NBEAL1: variants seen among roughly 807,000 people sequenced by gnomAD.
NBEAL1 encodes neurobeachin like 1.
Under a neutral mutation model 351.3 loss-of-function variants are expected in NBEAL1, and 273 were observed. That is an observed-to-expected ratio of 0.78 (90% confidence interval 0.70 to 0.86). The LOEUF (loss-of-function observed/expected upper bound fraction) is 0.86. NBEAL1 is among the 40% of genes least tolerant of loss of function. The pLI, the probability that NBEAL1 is intolerant of heterozygous loss-of-function variation, is 0.00. For missense variants in NBEAL1, 2,961 were observed against 3,201.3 expected (o/e 0.92, Z 1.81); for synonymous variants, 1,050 against 1,086.4 (o/e 0.97, Z 0.66).
rs951696785 is a variant in NBEAL1 at position 203,126,670 on chromosome 2, C to G, written c.3099C>G (p.Leu1033=). The change falls in exon 22 of 56, where the codon CTC becomes CTG. Residue 1033 remains leucine (L), a synonymous_variant. Transcript: ENST00000683969. ...QLLQQMYQYL[L]FDFRIWNRGD... is the part of the protein sequence containing the mutation. ...TGCAACAAATGTATCAATATTTACT[C>G]TTTGACTTTCGTATTTGGAACCGTG... is the stretch of plus-strand genomic sequence containing the variant. 6.6e-6 allele frequency: 10 copies of G among 1,525,110 alleles called. No homozygotes were observed. The highest frequency in any genetic ancestry group is 8.8e-6 in the Non-Finnish European group (10 of 1,136,758). The allele number at this position is 1,525,110 out of a possible 1,614,324, so 94.5% of individuals were successfully genotyped here. A position where few individuals can be genotyped will look rare whatever the true frequency, so the allele number is the denominator to read the frequency against.
chr2:203,026,306 T>C (rs1355714094), intron 2 of NBEAL1, among the ~76,000 whole-genome samples: 1 of 152,204 alleles, frequency 6.6e-6, no homozygotes, highest in African/African-American at 2.4e-5. Context: ...GGTCTGCTGA[T>C]ATTTCTCATA....
intron 34 of NBEAL1, among the ~76,000 whole-genome samples, chr2:203,150,203 C>T (rs747386561): frequency 3.9e-5 from 6 of 152,106 alleles, no homozygotes; most frequent in Non-Finnish European, 7.4e-5. Flanking sequence ...CCAATTTCTC[C>T]GCATTCTTAC....
In NBEAL1 at chr2:203,063,013, T is replaced by C. The variant is rs73056748; in HGVS notation, c.516-5380T>C. ...CAGGTTAGAATAGATTTAATTAAAA[T>C]TAACATAATTCCAAATACAGAGCCA... On this transcript the variant is annotated intron_variant, in intron 6 of 55. Transcript: ENST00000683969. 1.8e-3 allele frequency among the ~76,000 whole-genome samples: 279 copies of C among 152,362 alleles called. 3 individuals carry two copies. Among genetic ancestry groups the C allele is most frequent in the African/African-American group, 6.5e-3 (269 of 41,588 alleles).
At chr2:203,119,380 A>G (rs558817166) in intron 18 of NBEAL1, among the ~76,000 whole-genome samples, 4 of 147,394 alleles carry the variant, frequency 2.7e-5, no homozygotes, top group Admixed American at 6.9e-5. Context: ...AGGCCTTGCA[A>G]AGTGCTAAGA....
intron 3 of NBEAL1, among the ~76,000 whole-genome samples, chr2:203,045,944 A>T (rs1011002295): frequency 6.6e-6 from 1 of 152,194 alleles, no homozygotes; most frequent in African/African-American, 2.4e-5. Flanking sequence ...ATTTTTATAG[A>T]TCTTTCTATA....
At position 203,110,972 on chromosome 2, in the gene NBEAL1, G is replaced by A. The variant is rs575338220; in HGVS notation, c.2082+690G>A. Among the ~76,000 whole-genome samples, 4 of 151,920 alleles carry A rather than the reference G, an allele frequency of 2.6e-5. No individual in the cohort carries two copies. In the South Asian group the frequency reaches 8.3e-4, roughly 32 times the overall value. ...GTAGAGACAGGATTTCACCATGTTG[G>A]CCAGGATGGTCTTGATCTCTTGACC... On this transcript the variant is annotated intron_variant, in intron 15 of 55. Transcript: ENST00000683969.
chr2:203,191,277 A>G, intron 46 of NBEAL1: 2 of 1,193,058 alleles, frequency 1.7e-6, no homozygotes, highest in Non-Finnish European at 2.5e-6. Flanking sequence ...CAGCCAGTTA[A>G]GCACAAAGGA....
At chr2:203,108,482 T>C (rs2062489214) in intron 14 of NBEAL1, among the ~76,000 whole-genome samples, 1 of 151,916 alleles carries the variant, frequency 6.6e-6, no homozygotes, top group East Asian at 1.9e-4. Flanking sequence ...CACTGCAAGC[T>C]CCACCTCCTG....
chr2:203,125,551 A>G (rs2062918773), intron 20 of NBEAL1, 31 bp downstream of exon 20: 1 of 1,355,844 alleles, frequency 7.4e-7, no homozygotes, highest in Non-Finnish European at 9.5e-7. Context: ...CAAAATAGTC[A>G]TTGAGAAATT....
chr2:203,040,409 T>C (rs1321694494), intron 2 of NBEAL1: 6 of 716,078 alleles, frequency 8.4e-6, no homozygotes, highest in East Asian at 5.0e-5. Context: ...GGCATGAGTT[T>C]ACCGGTGGAG....
intron 36 of NBEAL1, 113 bp downstream of exon 36, chr2:203,157,938 C>A: frequency 1.3e-6 from 1 of 755,256 alleles, no homozygotes; most frequent in Non-Finnish European, 1.9e-6. Context: ...ACAGTTAATG[C>A]TGTATCAGCT....
In NBEAL1 at chr2:203,127,854, A is replaced by G; in HGVS notation, c.3322A>G (p.Lys1108Glu). The G allele has an allele frequency of 6.5e-7, 1 of 1,546,868 alleles. No individual in the cohort carries two copies. The highest frequency in any genetic ancestry group is 1.4e-5 in the African/African-American group (1 of 73,510). The change falls in exon 24 of 56, where the codon AAA becomes GAA. Residue 1108 changes from lysine to glutamate, a missense_variant. Coordinates refer to ENST00000683969, the MANE Select transcript of NBEAL1 (RefSeq NM_001378026.1). Reference protein sequence around the residue: ...TIRTSLYGLIKYFLCKGGSHE... With the variant: ...TIRTSLYGLIEYFLCKGGSHE... ...AAGGACTTCTTTGTATGGACTAATTAAATATTTTCTGTGCAAAGGTGGATC... is the reference window on the plus strand; with the variant it reads ...AAGGACTTCTTTGTATGGACTAATTGAATATTTTCTGTGCAAAGGTGGATC...
intron 24 of NBEAL1, among the ~76,000 whole-genome samples, chr2:203,129,211 A>G (rs140535511): frequency 3.9e-5 from 6 of 152,304 alleles, no homozygotes; most frequent in African/African-American, 1.4e-4. Context: ...TTATATTCAG[A>G]GAGATTATGT....
At chr2:203,070,283 ACAT>A (rs918562378) in intron 7 of NBEAL1, among the ~76,000 whole-genome samples, 10 of 151,844 alleles carry the variant, frequency 6.6e-5, no homozygotes, top group African/African-American at 2.4e-4. Context: ...TATTAAACTA[ACAT>A]CATATTTCTG....
At position 203,111,981 on chromosome 2, in the gene NBEAL1, C is replaced by T. The variant is rs1228742279; in HGVS notation, c.2085C>T (p.His695=). Residue 695 remains histidine (H), a splice_region_variant and synonymous_variant, in exon 16 of 56, where the codon CAC becomes CAT. Transcript: ENST00000683969. ...AAATGTGTGTTTCACTTTACCAGCA[C>T]AACATAACTGTTGTCCACATGCCTG... ...PDHSFCDSLW[H]NITVVHMPGK... 1 of 1,548,916 alleles carries T rather than the reference C, an allele frequency of 6.5e-7. No homozygotes were observed. Among genetic ancestry groups the T allele is most frequent in the Admixed American group, 2.0e-5 (1 of 50,044 alleles).
intron 46 of NBEAL1, among the ~76,000 whole-genome samples, chr2:203,192,308 A>G (rs1262087372): frequency 2.0e-5 from 3 of 152,088 alleles, no homozygotes; most frequent in Non-Finnish European, 4.4e-5. Context: ...GGTGCTAATT[A>G]GTTTTTATTG....
intron 23 of NBEAL1, among the ~76,000 whole-genome samples, chr2:203,127,494 T>C (rs956606121): frequency 3.3e-5 from 5 of 152,036 alleles, no homozygotes; most frequent in African/African-American, 1.2e-4. Context: ...GAGGCTGAGG[T>C]GGGCAGATCG....
At chr2:203,210,489 G>A (rs752788801) in intron 53 of NBEAL1, among the ~76,000 whole-genome samples, 8 of 151,530 alleles carry the variant, frequency 5.3e-5, no homozygotes, top group Middle Eastern at 3.2e-3. Flanking sequence ...GTGAAACCCC[G>A]TCTCTACTAA....
rs2062688831 is a variant in NBEAL1, at chr2:203,116,034, C to A, written c.2556C>A (p.Asp852Glu). 1 of 1,553,676 alleles carries A rather than the reference C, an allele frequency of 6.4e-7. No homozygotes were observed. Among genetic ancestry groups the A allele is most frequent in the Non-Finnish European group, 8.7e-7 (1 of 1,147,422 alleles). The change falls in exon 18 of 56, where the codon GAC (aspartate) becomes GAA (glutamate). Residue 852 changes from aspartate to glutamate, a missense_variant. Transcript: ENST00000683969. ...PWKCQESDMADLPGNILLYYT... is the reference protein window; with the variant it reads ...PWKCQESDMAELPGNILLYYT... Reference sequence around the variant, plus strand: ...AGTGTCAAGAGTCTGACATGGCCGACCTGCCTGGTAACATCCTTCTTTACT... The same window carrying A: ...AGTGTCAAGAGTCTGACATGGCCGAACTGCCTGGTAACATCCTTCTTTACT...
Sources: allele counts gnomAD v4.1 joint callset (sites outside exome capture counted in the v4.1 genomes callset), GRCh38; gene constraint gnomAD v4.1.1; transcripts MANE v1.5; gene names NCBI Gene and HGNC (gene_info 2026-07-23, HGNC 2026-07-21).